Variants in LRBA observed in about 807,000 individuals in gnomAD.
LRBA encodes the protein lipopolysaccharide-responsive and beige-like anchor protein.
LRBA carries 176 observed loss-of-function variants against 330.0 expected under a neutral mutation model. The observed-to-expected ratio is 0.53, with a 90% CI of 0.47 to 0.60. The LOEUF (loss-of-function observed/expected upper bound fraction) is 0.60, where lower values mean the gene tolerates loss of function less well. Among genes scored for constraint, LRBA ranks in the 20% least tolerant of loss-of-function variants. The pLI is 0.00. For synonymous variants in LRBA, 1,230 were observed against 1,193.0 expected (o/e 1.03, Z -0.64); for missense variants, 3,259 against 3,444.8 (o/e 0.95, Z 1.35).
At chr4:150,793,850 G>A (rs374846442) in intron 34 of LRBA, among the ~76,000 whole-genome samples, 17 of 152,156 alleles carry the variant, frequency 1.1e-4, no homozygotes, top group African/African-American at 3.6e-4. Flanking sequence ...GCCATAATGT[G>A]CTAGGTACCA....
intron 12 of LRBA, 22 bp downstream of exon 12, chr4:150,906,275 C>T (rs1450948780): frequency 2.1e-6 from 3 of 1,415,920 alleles, no homozygotes; most frequent in East Asian, 2.3e-5. Flanking sequence ...GAATCAAAAA[C>T]ATAAAATATT....
At chr4:150,675,528 C>T (rs979305401) in intron 37 of LRBA, among the ~76,000 whole-genome samples, 1 of 151,780 alleles carries the variant, frequency 6.6e-6, no homozygotes, top group Non-Finnish European at 1.5e-5. Context: ...ACCAGCCTGG[C>T]GAACATGGTG....
intron 40 of LRBA, among the ~76,000 whole-genome samples, chr4:150,530,751 A>C (rs1763975310): frequency 6.6e-6 from 1 of 152,204 alleles, no homozygotes; most frequent in Non-Finnish European, 1.5e-5. Context: ...AACCTGACAC[A>C]ATTACTAAAC....
intron 20 of LRBA, among the ~76,000 whole-genome samples, chr4:150,868,839 G>C (rs1255975945): frequency 6.6e-6 from 1 of 152,132 alleles, no homozygotes; most frequent in Non-Finnish European, 1.5e-5. Flanking sequence ...TCAGGAGGGT[G>C]AGACAGGTGA....
chr4:150,347,319 A>G (rs1218413085), intron 48 of LRBA, among the ~76,000 whole-genome samples: 1 of 152,132 alleles, frequency 6.6e-6, no homozygotes, highest in East Asian at 1.9e-4. Flanking sequence ...AAGAATGTCA[A>G]TGTTCTTGAT....
intron 17 of LRBA, among the ~76,000 whole-genome samples, chr4:150,877,257 CAA>C (rs796849728): frequency 6.4e-4 from 52 of 81,768 alleles, no homozygotes; most frequent in Middle Eastern, 8.1e-3. Flanking sequence ...GACTCCGTAT[CAA>C]AAAAAAAAAA....
chr4:150,832,570 T>C (rs1747362862), intron 28 of LRBA, among the ~76,000 whole-genome samples: 1 of 152,186 alleles, frequency 6.6e-6, no homozygotes, highest in African/African-American at 2.4e-5. Flanking sequence ...CACTCAAGCC[T>C]GGGCGACAGA....
intron 47 of LRBA, among the ~76,000 whole-genome samples, chr4:150,395,210 T>C (rs1744564026): frequency 6.6e-6 from 1 of 152,178 alleles, no homozygotes; most frequent in Non-Finnish European, 1.5e-5. Context: ...CCTTAATATA[T>C]TTAAATTCCA....
At chr4:150,430,401 A>G (rs1750220127) in intron 46 of LRBA, among the ~76,000 whole-genome samples, 2 of 152,132 alleles carry the variant, frequency 1.3e-5, no homozygotes, top group African/African-American at 4.8e-5. Context: ...ATCCTCTTTC[A>G]CAAAGCAGAA....
intron 40 of LRBA, among the ~76,000 whole-genome samples, chr4:150,548,015 C>T (rs1766062277): frequency 6.6e-6 from 1 of 152,100 alleles, no homozygotes. Context: ...TATATTTTCT[C>T]TACATACATA....
At chr4:150,929,598 C>T (rs1359551115) in intron 2 of LRBA, among the ~76,000 whole-genome samples, 1 of 152,168 alleles carries the variant, frequency 6.6e-6, no homozygotes, top group African/African-American at 2.4e-5. Context: ...TAATTAGTCA[C>T]ATATCCAAAG....
In LRBA at chr4:150,310,365, G is replaced by C; in HGVS notation, c.7713C>G (p.His2571Gln). 1 of 1,613,146 alleles carries C rather than the reference G, an allele frequency of 6.2e-7. No individual in the cohort carries two copies. Among genetic ancestry groups the C allele is most frequent in the Non-Finnish European group, 8.5e-7 (1 of 1,179,412 alleles). Residue 2571 changes from histidine (H) to glutamine (Q), a missense_variant, in exon 52 of 57, where the codon CAC (histidine) becomes CAG (glutamine). His to Gln is a conservative substitution (Grantham distance 24). Transcript: ENST00000651943. ...CTAAAAGGTCAGTGATTTGCCTCCT[G>C]TGCATTCCTGTATTGCTGGCTGTAA... ...DPLIASNTGM[H>Q]RRQITDLLDQ...
At chr4:150,642,242 G>C (rs928642611) in intron 37 of LRBA, among the ~76,000 whole-genome samples, 4 of 151,768 alleles carry the variant, frequency 2.6e-5, no homozygotes, top group African/African-American at 9.7e-5. Context: ...TTTATTATTT[G>C]TTCTTGTTGT....
chr4:150,650,123 C>A (rs1779571683), intron 37 of LRBA, among the ~76,000 whole-genome samples: 2 of 152,122 alleles, frequency 1.3e-5, no homozygotes, highest in Non-Finnish European at 2.9e-5. Context: ...GGTTAAGTGA[C>A]TCGTTCAAAG....
chr4:150,416,922 T>A (rs1355170390), intron 46 of LRBA, among the ~76,000 whole-genome samples: 7 of 152,036 alleles, frequency 4.6e-5, no homozygotes, highest in Non-Finnish European at 1.0e-4. Context: ...AAAGTATCAA[T>A]CATTTCTACT....
chr4:150,792,612 G>A (rs541795458), intron 34 of LRBA, among the ~76,000 whole-genome samples: 29 of 152,224 alleles, frequency 1.9e-4, no homozygotes, highest in East Asian at 7.7e-4. Context: ...GGGCTCAAGC[G>A]ATCCTGCTGC....
intron 28 of LRBA, chr4:150,840,827 C>G: frequency 1.3e-6 from 1 of 744,080 alleles, no homozygotes; most frequent in South Asian, 3.0e-5. Context: ...CATGCAATAG[C>G]AAAGCACAGT....
chr4:150,434,992 A>C (rs978187204), intron 46 of LRBA, among the ~76,000 whole-genome samples: 6 of 152,160 alleles, frequency 3.9e-5, no homozygotes, highest in African/African-American at 1.4e-4. Context: ...ACACTCTACA[A>C]CAAAAGACAG....
intron 51 of LRBA, chr4:150,315,305 A>G (rs2126898686): frequency 1.8e-6 from 1 of 544,434 alleles, no homozygotes; most frequent in East Asian, 3.3e-5. Context: ...CGCATTCTCA[A>G]TCACACATTA....
Sources: allele counts gnomAD v4.1 joint callset (sites outside exome capture counted in the v4.1 genomes callset), GRCh38; gene constraint gnomAD v4.1.1; transcripts MANE v1.5; gene names NCBI Gene and HGNC (gene_info 2026-07-23, HGNC 2026-07-21).